C12orf54: variants seen among roughly 807,000 people sequenced by gnomAD.
C12orf54 encodes the protein chromosome 12 open reading frame 54, also known as uncharacterized protein C12orf54.
A neutral mutation model predicts 26.4 loss-of-function variants in C12orf54; 24 were observed. The observed-to-expected ratio is 0.91, with a 90% CI of 0.66 to 1.28. The LOEUF is 1.28. C12orf54 is among the 50% of genes most tolerant of loss of function. The probability of loss-of-function intolerance (pLI) is 0.00; values close to 1 mark genes in which losing one functional copy is unlikely to be tolerated. For synonymous variants in C12orf54, 54 were observed against 47.0 expected, an observed-to-expected ratio of 1.15 and a Z score of -0.61; for missense variants, 154 against 150.9, an observed-to-expected ratio of 1.02 and a Z score of -0.11.
chr12:48,466,129 C>A, the C12orf54 span, among the ~76,000 whole-genome samples: 1 of 152,110 alleles, frequency 6.6e-6, no homozygotes. Flanking sequence ...TTGCAATTCA[C>A]ATATATGATT....
the C12orf54 span, among the ~76,000 whole-genome samples, chr12:48,446,261 G>A: frequency 1.3e-5 from 2 of 152,142 alleles, no homozygotes; most frequent in Non-Finnish European, 2.9e-5. Flanking sequence ...TTCCTCAAAA[G>A]CTCCAGGAAG....
the C12orf54 span, among the ~76,000 whole-genome samples, chr12:48,443,708 T>C: frequency 0.13 from 19,687 of 152,274 alleles, 1,657 homozygotes; most frequent in Non-Finnish European, 0.2. Flanking sequence ...TTTGTAAACA[T>C]AGATTACCTA....
At chr12:48,470,057 G>C in the C12orf54 span, among the ~76,000 whole-genome samples, 2 of 152,144 alleles carry the variant, frequency 1.3e-5, no homozygotes, top group Non-Finnish European at 2.9e-5. Flanking sequence ...CTATTCCATG[G>C]TGTCTATGTA....
chr12:48,441,587 G>A, the C12orf54 span, among the ~76,000 whole-genome samples: 1 of 152,184 alleles, frequency 6.6e-6, no homozygotes, highest in South Asian at 2.1e-4. Flanking sequence ...AGGTGAGGGT[G>A]GAGAGGATTT....
At chr12:48,473,238 G>A in the C12orf54 span, 7 of 1,122,172 alleles carry the variant, frequency 6.2e-6, no homozygotes, top group South Asian at 2.6e-5. Context: ...TGAGGAGGAC[G>A]AGGATGAGGA....
At chr12:48,425,299 A>G in the C12orf54 span, among the ~76,000 whole-genome samples, 1 of 151,866 alleles carries the variant, frequency 6.6e-6, no homozygotes, top group African/African-American at 2.4e-5. Flanking sequence ...TGTTCTCATC[A>G]TTTCACTCCC....
At chr12:48,436,309 G>T in the C12orf54 span, among the ~76,000 whole-genome samples, 1 of 152,054 alleles carries the variant, frequency 6.6e-6, no homozygotes, top group South Asian at 2.1e-4. Flanking sequence ...CAATAATAAT[G>T]GGACACTTTA....
chr12:48,437,926 T>C, the C12orf54 span, among the ~76,000 whole-genome samples: 1 of 152,088 alleles, frequency 6.6e-6, no homozygotes, highest in Admixed American at 6.5e-5. Flanking sequence ...GAGAAGGAAA[T>C]AAAGGGCATT....
chr12:48,419,442 A>G, the C12orf54 span, among the ~76,000 whole-genome samples: 2 of 152,146 alleles, frequency 1.3e-5, no homozygotes, highest in Non-Finnish European at 2.9e-5. Context: ...CAATTAACCA[A>G]TTGGTTATGA....
At chr12:48,471,585 T>C in the C12orf54 span, among the ~76,000 whole-genome samples, 1 of 152,228 alleles carries the variant, frequency 6.6e-6, no homozygotes, top group Non-Finnish European at 1.5e-5. Flanking sequence ...CCCAGCACCA[T>C]TTATTGAAAA....
chr12:48,417,401 A>G, the C12orf54 span: 2 of 152,126 alleles, frequency 1.3e-5, no homozygotes, highest in Non-Finnish European at 2.9e-5. Context: ...CTGCTTCCCT[A>G]TTTCCTCTGA....
chr12:48,472,823 C>T, the C12orf54 span: 3 of 1,614,032 alleles, frequency 1.9e-6, no homozygotes, highest in African/African-American at 2.7e-5. Context: ...TCAACATAGG[C>T]CTCACCTCAA....
At chr12:48,464,247 G>T in the C12orf54 span, among the ~76,000 whole-genome samples, 1 of 152,092 alleles carries the variant, frequency 6.6e-6, no homozygotes, top group East Asian at 1.9e-4. Flanking sequence ...AAATCAATGT[G>T]CAAAAATCAG....
intron 7 of C12orf54, among the ~76,000 whole-genome samples, chr12:48,493,434 GAC>G: frequency 6.6e-6 from 1 of 151,956 alleles, no homozygotes; most frequent in African/African-American, 2.4e-5. Context: ...CCAGGAGTTC[GAC>G]ACAGTGAGAC....
chr12:48,448,282 A>C, the C12orf54 span, among the ~76,000 whole-genome samples: 4 of 152,238 alleles, frequency 2.6e-5, no homozygotes, highest in Non-Finnish European at 5.9e-5. Context: ...ACAGCAGTAG[A>C]AAATGAATAT....
chr12:48,495,300 TAA>T (rs1254549934), intron 8 of C12orf54, among the ~76,000 whole-genome samples: 5 of 152,174 alleles, frequency 3.3e-5, no homozygotes, highest in African/African-American at 1.2e-4. Flanking sequence ...AATTGTTGGA[TAA>T]AGAGATGGAA....
chr12:48,467,152 G>A, the C12orf54 span, among the ~76,000 whole-genome samples: 2 of 151,932 alleles, frequency 1.3e-5, no homozygotes, highest in Non-Finnish European at 2.9e-5. Flanking sequence ...AGAAGAGAAG[G>A]GAAAAGACAC....
the C12orf54 span, chr12:48,473,492 G>GC: frequency 0.14 from 57,976 of 416,166 alleles, 8,277 homozygotes; most frequent in East Asian, 0.64. Flanking sequence ...CTCCAATCCT[G>GC]CCCCCTGAAA....
intron 2 of C12orf54, among the ~76,000 whole-genome samples, chr12:48,485,145 T>G (rs1408902022): frequency 6.6e-6 from 1 of 152,142 alleles, no homozygotes; most frequent in African/African-American, 2.4e-5. Flanking sequence ...ATCACAATCA[T>G]AGCTCACTGC....
Sources: gnomAD v4.1 joint callset for allele counts (sites outside exome capture counted in the v4.1 genomes callset) on GRCh38, gnomAD v4.1.1 for gene constraint, MANE v1.5 for transcripts, NCBI Gene and HGNC (gene_info 2026-07-23, HGNC 2026-07-21) for gene names.